The following ROBO2 variants were observed in gnomAD, a reference collection of about 807,000 sequenced individuals.
The protein encoded by ROBO2 is roundabout homolog 2.
In ROBO2, 53 loss-of-function variants were observed where a neutral mutation model predicts 160.8. That is an observed-to-expected ratio of 0.33 (90% confidence interval 0.26 to 0.41). The LOEUF (loss-of-function observed/expected upper bound fraction) is 0.41. Among genes scored for constraint, ROBO2 ranks in the 10% least tolerant of loss-of-function variants. The pLI, the probability that ROBO2 is intolerant of heterozygous loss-of-function variation, is 1.00. For missense variants in ROBO2, 1,577 were observed against 1,722.4 expected (o/e 0.92, Z 1.49); for synonymous variants, 664 against 611.7 (o/e 1.09, Z -1.26).
intron 2 of ROBO2, among the ~76,000 whole-genome samples, chr3:76,712,080 C>T (rs577605505): frequency 6.6e-6 from 1 of 152,196 alleles, no homozygotes; most frequent in Middle Eastern, 3.2e-3. Flanking sequence ...TGCATTAATA[C>T]TTACTGATTG....
chr3:76,277,865 A>G (rs980258453), intron 2 of ROBO2, among the ~76,000 whole-genome samples: 4 of 151,796 alleles, frequency 2.6e-5, no homozygotes, highest in African/African-American at 7.2e-5. Flanking sequence ...ACTCCCAGCA[A>G]TAGGTAAATA....
chr3:77,112,184 GACTCGTCTCAAAAA>G (rs2073683750), intron 2 of ROBO2, among the ~76,000 whole-genome samples: 1 of 119,808 alleles, frequency 8.3e-6, no homozygotes, highest in South Asian at 3.0e-4. Flanking sequence ...GACAGAGCGA[GACTCGTCTCAAAAA>G]AAAAAAAAAA....
At position 75,943,321 on chromosome 3, in the gene ROBO2, A is replaced by T. The variant is rs530396717; in HGVS notation, c.109+5719A>T. Among the ~76,000 whole-genome samples the T allele has an allele frequency of 7.2e-5, 11 of 152,202 alleles. No homozygotes were observed. The South Asian group carries it at 1.2e-3, about 17-fold the overall frequency. ...TAACTTAATTTGTTCTTTAAGGTAC[A>T]TCTCCTAATGAAGGTTTTCTCATCC... On this transcript the variant is annotated intron_variant, in intron 2 of 26. Transcript: ENST00000487694.
At chr3:75,978,409 T>C (rs2065187295) in intron 2 of ROBO2, among the ~76,000 whole-genome samples, 1 of 151,564 alleles carries the variant, frequency 6.6e-6, no homozygotes, top group Admixed American at 6.6e-5. Flanking sequence ...AGATCTTTCA[T>C]TTTTAATTTA....
intron 2 of ROBO2, among the ~76,000 whole-genome samples, chr3:77,324,826 AGCAAAAATG>A (rs2065218589): frequency 4.0e-5 from 6 of 151,706 alleles, no homozygotes; most frequent in Admixed American, 3.3e-4. Context: ...TTACAGGGAT[AGCAAAAATG>A]AATTTTTAAA....
At chr3:76,019,783 T>A (rs1257935991) in intron 2 of ROBO2, among the ~76,000 whole-genome samples, 7 of 151,448 alleles carry the variant, frequency 4.6e-5, no homozygotes, top group Non-Finnish European at 1.0e-4. Flanking sequence ...AATATTTGCA[T>A]TATGGCCTCC....
chr3:76,988,246 C>T (rs1264569992), intron 2 of ROBO2, among the ~76,000 whole-genome samples: 1 of 152,124 alleles, frequency 6.6e-6, no homozygotes, highest in African/African-American at 2.4e-5. Context: ...TACTGTAAAT[C>T]ATGTCTTCCC....
At chr3:76,223,608 G>A (rs573416019) in intron 2 of ROBO2, among the ~76,000 whole-genome samples, 1 of 152,240 alleles carries the variant, frequency 6.6e-6, no homozygotes, top group Admixed American at 6.5e-5. Flanking sequence ...CATTTTAACA[G>A]TACACATCCT....
chr3:76,392,884 C>T (rs1239872987), intron 2 of ROBO2, among the ~76,000 whole-genome samples: 1 of 152,146 alleles, frequency 6.6e-6, no homozygotes, highest in Non-Finnish European at 1.5e-5. Flanking sequence ...GTAATCCCAC[C>T]ACTGCTACTC....
At chr3:76,090,208 C>G (rs902179698) in intron 2 of ROBO2, among the ~76,000 whole-genome samples, 1 of 152,074 alleles carries the variant, frequency 6.6e-6, no homozygotes, top group Non-Finnish European at 1.5e-5. Flanking sequence ...TGCTTGTAAT[C>G]CCAACACTTT....
intron 2 of ROBO2, among the ~76,000 whole-genome samples, chr3:76,186,888 C>T (rs1701791125): frequency 6.6e-6 from 1 of 152,114 alleles, no homozygotes; most frequent in East Asian, 1.9e-4. Context: ...TCTCATTCGA[C>T]TTCTCAGTAG....
At chr3:76,722,496 A>G (rs1469983565) in intron 2 of ROBO2, among the ~76,000 whole-genome samples, 1 of 152,148 alleles carries the variant, frequency 6.6e-6, no homozygotes, top group African/African-American at 2.4e-5. Context: ...AAAGTACACA[A>G]TTTAGTGGGT....
chr3:76,684,980 C>T (rs927577270), intron 2 of ROBO2, among the ~76,000 whole-genome samples: 73 of 151,086 alleles, frequency 4.8e-4, no homozygotes, highest in Admixed American at 1.6e-3. Context: ...AGTACAAATG[C>T]AAAAGTCTTT....
chr3:76,362,369 TA>T (rs527416931), intron 2 of ROBO2, among the ~76,000 whole-genome samples: 2 of 151,700 alleles, frequency 1.3e-5, no homozygotes, highest in African/African-American at 4.8e-5. Flanking sequence ...GACCTTCTCT[TA>T]AAAAAAAGTG....
At chr3:77,109,755 G>A (rs111596562) in intron 2 of ROBO2, among the ~76,000 whole-genome samples, 195 of 152,300 alleles carry the variant, frequency 1.3e-3, no homozygotes, top group African/African-American at 4.5e-3. Flanking sequence ...AAGGAGAGCT[G>A]GGATTTGAAC....
intron 4 of ROBO2, among the ~76,000 whole-genome samples, chr3:77,483,752 T>C (rs1238038094): frequency 6.8e-6 from 1 of 147,654 alleles, no homozygotes; most frequent in Non-Finnish European, 1.5e-5. Context: ...ATTTTATTGA[T>C]ACCTATTATT....
At chr3:76,069,891 A>G (rs911882323) in intron 2 of ROBO2, among the ~76,000 whole-genome samples, 3 of 152,180 alleles carry the variant, frequency 2.0e-5, no homozygotes, top group Non-Finnish European at 4.4e-5. Flanking sequence ...CCAAATTAAT[A>G]CTTTTGTAAT....
intron 4 of ROBO2, among the ~76,000 whole-genome samples, chr3:77,489,746 A>G (rs2085830931): frequency 6.6e-6 from 1 of 152,194 alleles, no homozygotes; most frequent in Non-Finnish European, 1.5e-5. Flanking sequence ...TTTTCAATTT[A>G]TTTTATACCC....
intron 2 of ROBO2, among the ~76,000 whole-genome samples, chr3:76,511,419 C>T (rs2081082170): frequency 6.6e-6 from 1 of 152,162 alleles, no homozygotes; most frequent in South Asian, 2.1e-4. Flanking sequence ...TATTGTCATT[C>T]CTTTCTAACT....
Sources: allele counts gnomAD v4.1 joint callset (sites outside exome capture counted in the v4.1 genomes callset), GRCh38; gene constraint gnomAD v4.1.1; transcripts MANE v1.5; gene names NCBI Gene and HGNC (gene_info 2026-07-23, HGNC 2026-07-21).